CLSTN2: variants seen among roughly 807,000 people sequenced by gnomAD.
CLSTN2 encodes the protein calsyntenin 2, also known as calsyntenin-2.
Under a neutral mutation model 101.2 loss-of-function variants are expected in CLSTN2, and 48 were observed. The ratio of observed to expected loss-of-function variants is 0.47; its 90% CI spans 0.38 to 0.60. CLSTN2 has a LOEUF of 0.60. CLSTN2 is among the 20% of genes least tolerant of loss of function. CLSTN2 has a pLI of 0.00. For synonymous variants in CLSTN2, 481 were observed against 463.6 expected, an observed-to-expected ratio of 1.04 and a Z score of -0.48; for missense variants, 1,160 against 1,238.2, an observed-to-expected ratio of 0.94 and a Z score of 0.95.
intron 1 of CLSTN2, among the ~76,000 whole-genome samples, chr3:140,033,637 C>A (rs2007600222): frequency 6.6e-6 from 1 of 152,184 alleles, no homozygotes; most frequent in Non-Finnish European, 1.5e-5. Context: ...AGTTTAGTGA[C>A]CTATTCAATA....
chr3:140,038,482 T>C (rs1300453169), intron 1 of CLSTN2, among the ~76,000 whole-genome samples: 1 of 152,146 alleles, frequency 6.6e-6, no homozygotes, highest in Admixed American at 6.5e-5. Flanking sequence ...TGTTCTTCCA[T>C]TCTGTAGGTT....
At chr3:140,525,542 A>C (rs1174256022) in intron 8 of CLSTN2, among the ~76,000 whole-genome samples, 1 of 152,208 alleles carries the variant, frequency 6.6e-6, no homozygotes, top group African/African-American at 2.4e-5. Flanking sequence ...ATTCCAAAAA[A>C]TTGAAGAGAA....
At chr3:140,271,290 A>G (rs2086739222) in intron 2 of CLSTN2, among the ~76,000 whole-genome samples, 1 of 152,102 alleles carries the variant, frequency 6.6e-6, no homozygotes, top group Admixed American at 6.6e-5. Context: ...GTGGCAGATT[A>G]TTTGGTGTGC....
At chr3:140,360,111 A>G (rs572605849) in intron 2 of CLSTN2, among the ~76,000 whole-genome samples, 1 of 152,058 alleles carries the variant, frequency 6.6e-6, no homozygotes, top group Non-Finnish European at 1.5e-5. Context: ...GTACTGGTAA[A>G]ACTACTATCC....
intron 9 of CLSTN2, among the ~76,000 whole-genome samples, chr3:140,541,345 CAGT>C (rs1282909654): frequency 2.0e-5 from 3 of 152,216 alleles, no homozygotes; most frequent in African/African-American, 7.2e-5. Context: ...TTCAAGTCCC[CAGT>C]CAACCTGAGT....
intron 1 of CLSTN2, among the ~76,000 whole-genome samples, chr3:140,170,623 G>C (rs549896961): frequency 1.9e-4 from 29 of 152,312 alleles, no homozygotes; most frequent in African/African-American, 6.0e-4. Flanking sequence ...GAGGAGTAAA[G>C]GAAGGCAGAC....
intron 1 of CLSTN2, among the ~76,000 whole-genome samples, chr3:140,054,245 C>G (rs2008055453): frequency 6.6e-6 from 1 of 152,100 alleles, no homozygotes. Context: ...GGGCATTTAT[C>G]AAGTACCTTC....
chr3:140,283,800 T>A (rs951788590), intron 2 of CLSTN2, among the ~76,000 whole-genome samples: 1 of 152,236 alleles, frequency 6.6e-6, no homozygotes, highest in African/African-American at 2.4e-5. Context: ...TAATTGATAA[T>A]GTTCTCTGCT....
intron 1 of CLSTN2, among the ~76,000 whole-genome samples, chr3:140,162,870 G>T (rs78692416): frequency 2.6e-5 from 4 of 152,254 alleles, no homozygotes; most frequent in Middle Eastern, 3.4e-3. Flanking sequence ...AATGGAATTC[G>T]CAGTAAAAAT....
At chr3:140,268,985 A>G (rs368069587) in intron 2 of CLSTN2, among the ~76,000 whole-genome samples, 1 of 152,210 alleles carries the variant, frequency 6.6e-6, no homozygotes, top group Admixed American at 6.5e-5. Context: ...TTCAGTAGAG[A>G]TTTGTTTATT....
chr3:140,081,908 A>T (rs562808593), intron 1 of CLSTN2, among the ~76,000 whole-genome samples: 1 of 152,308 alleles, frequency 6.6e-6, no homozygotes, highest in African/African-American at 2.4e-5. Context: ...TATTATATAT[A>T]AAACTCAGCT....
intron 2 of CLSTN2, among the ~76,000 whole-genome samples, chr3:140,277,648 G>A (rs1461047379): frequency 5.3e-5 from 8 of 152,236 alleles, no homozygotes; most frequent in African/African-American, 9.6e-5. Flanking sequence ...ATAATTATTT[G>A]TAGATTTGTT....
chr3:140,449,273 G>A (rs931029447), intron 6 of CLSTN2, among the ~76,000 whole-genome samples: 1 of 152,198 alleles, frequency 6.6e-6, no homozygotes, highest in African/African-American at 2.4e-5. Flanking sequence ...GGCCCTATAT[G>A]ACTACTCAGG....
chr3:140,490,889 A>G (rs1490907351), intron 8 of CLSTN2, among the ~76,000 whole-genome samples: 1 of 152,176 alleles, frequency 6.6e-6, no homozygotes, highest in African/African-American at 2.4e-5. Context: ...CAAGCCAGTG[A>G]GACTTTCTCA....
chr3:140,172,332 G>A (rs2107826787), intron 1 of CLSTN2, among the ~76,000 whole-genome samples: 1 of 152,188 alleles, frequency 6.6e-6, no homozygotes, highest in Non-Finnish European at 1.5e-5. Context: ...AGAATAGAAT[G>A]GAGTAGGGCA....
chr3:140,159,641 C>T (rs1196715826), intron 1 of CLSTN2, among the ~76,000 whole-genome samples: 5 of 152,030 alleles, frequency 3.3e-5, no homozygotes, highest in South Asian at 2.1e-4. Flanking sequence ...AGGTACCATT[C>T]GACCCAGCAA....
chr3:140,552,936 G>C (rs1935732490), intron 10 of CLSTN2, among the ~76,000 whole-genome samples: 1 of 152,202 alleles, frequency 6.6e-6, no homozygotes, highest in Non-Finnish European at 1.5e-5. Flanking sequence ...CAAGGACCTT[G>C]GGTCTTCTCA....
chr3:140,074,118 A>C (rs984479981), intron 1 of CLSTN2, among the ~76,000 whole-genome samples: 2 of 152,154 alleles, frequency 1.3e-5, no homozygotes, highest in Non-Finnish European at 2.9e-5. Flanking sequence ...GATCAAAGCT[A>C]TAGCTTGCTG....
intron 2 of CLSTN2, among the ~76,000 whole-genome samples, chr3:140,262,616 G>A (rs1475933614): frequency 6.6e-6 from 1 of 152,146 alleles, no homozygotes; most frequent in Non-Finnish European, 1.5e-5. Flanking sequence ...AGTAAAGAAA[G>A]TGAAGTGGAA....
Sources: allele counts gnomAD v4.1 joint callset (sites outside exome capture counted in the v4.1 genomes callset), GRCh38; gene constraint gnomAD v4.1.1; transcripts MANE v1.5; gene names NCBI Gene and HGNC (gene_info 2026-07-23, HGNC 2026-07-21).